The following ITGA9 variants were observed in gnomAD, a reference collection of about 807,000 sequenced individuals.
ITGA9 encodes integrin alpha-9.
ITGA9 carries 56 observed loss-of-function variants against 127.8 expected under a neutral mutation model. That is an observed-to-expected ratio of 0.44 (90% confidence interval 0.35 to 0.55). The LOEUF is 0.55. Among genes scored for constraint, ITGA9 ranks in the 20% least tolerant of loss-of-function variants. The pLI is 0.00. For missense variants in ITGA9, 1,196 were observed against 1,347.1 expected (o/e 0.89, Z 1.76); for synonymous variants, 508 against 514.5 (o/e 0.99, Z 0.17).
At chr3:37,497,215 C>T (rs904667937) in intron 5 of ITGA9, among the ~76,000 whole-genome samples, 2 of 152,070 alleles carry the variant, frequency 1.3e-5, no homozygotes, top group African/African-American at 4.8e-5. Context: ...TAATCTCTTA[C>T]CTGATCTATG....
At chr3:37,613,087 A>G (rs1700039307) in intron 15 of ITGA9, among the ~76,000 whole-genome samples, 1 of 151,840 alleles carries the variant, frequency 6.6e-6, no homozygotes, top group African/African-American at 2.4e-5. Flanking sequence ...ATCATTAAGT[A>G]TATCTCCTAA....
Position 37,503,702 on chromosome 3 carries a change from A to G in ITGA9, c.742+395A>G, listed in dbSNP as rs536061113. Reference sequence around the variant, plus strand: ...TCTGATCACAAAACTGGTAGCAAATAGAAAGATAAGAACTAGAAATTATCA... The same window carrying G: ...TCTGATCACAAAACTGGTAGCAAATGGAAAGATAAGAACTAGAAATTATCA... On this transcript the variant is annotated intron_variant, in intron 6 of 27. Transcript: ENST00000264741. Among the ~76,000 whole-genome samples, 4 of 152,354 alleles carry G rather than the reference A, an allele frequency of 2.6e-5. No individual in the cohort carries two copies. The South Asian group carries it at 6.2e-4, about 24-fold the overall frequency.
chr3:37,533,565 G>A, intron 14 of ITGA9, 97 bp downstream of exon 14: 1 of 1,303,430 alleles, frequency 7.7e-7, no homozygotes, highest in Non-Finnish European at 1.1e-6. Flanking sequence ...CTCCCAGCTG[G>A]TTTTGCAGGC....
intron 16 of ITGA9, among the ~76,000 whole-genome samples, chr3:37,647,603 G>C (rs1700390663): frequency 6.6e-6 from 1 of 151,472 alleles, no homozygotes; most frequent in South Asian, 2.1e-4. Flanking sequence ...TTGTACCTTT[G>C]ACCAACATCT....
At chr3:37,665,121 C>T (rs1454388431) in intron 17 of ITGA9, among the ~76,000 whole-genome samples, 3 of 151,850 alleles carry the variant, frequency 2.0e-5, no homozygotes, top group Non-Finnish European at 4.4e-5. Context: ...TACAGGTACC[C>T]ACCATCATGC....
At chr3:37,719,483 C>G (rs1220070015) in intron 18 of ITGA9, among the ~76,000 whole-genome samples, 1 of 152,174 alleles carries the variant, frequency 6.6e-6, no homozygotes, top group Non-Finnish European at 1.5e-5. Context: ...CAGTCCACAG[C>G]TCCACCAGCC....
chr3:37,539,858 C>T (rs1316626020), intron 14 of ITGA9, among the ~76,000 whole-genome samples: 1 of 152,080 alleles, frequency 6.6e-6, no homozygotes, highest in Non-Finnish European at 1.5e-5. Context: ...CAGTGTAGAC[C>T]GTGCCCCAGA....
At chr3:37,510,894 A>G (rs1311180450) in intron 8 of ITGA9, among the ~76,000 whole-genome samples, 1 of 152,140 alleles carries the variant, frequency 6.6e-6, no homozygotes, top group East Asian at 1.9e-4. Context: ...CCCTGTCATC[A>G]TCGTTCTGCT....
chr3:37,595,102 T>A (rs1194839667), intron 15 of ITGA9, among the ~76,000 whole-genome samples: 1 of 151,980 alleles, frequency 6.6e-6, no homozygotes, highest in Non-Finnish European at 1.5e-5. Flanking sequence ...TTTGTTTTTG[T>A]TTTTGTTTTT....
At chr3:37,698,851 T>G (rs949451636) in intron 18 of ITGA9, among the ~76,000 whole-genome samples, 12 of 152,208 alleles carry the variant, frequency 7.9e-5, no homozygotes, top group African/African-American at 2.9e-4. Context: ...TGTCAGTCAT[T>G]TTTATTTTAG....
intron 22 of ITGA9, chr3:37,748,279 TA>T: frequency 1.9e-6 from 1 of 516,848 alleles, no homozygotes; most frequent in Non-Finnish European, 3.7e-6. Flanking sequence ...CCGCAAGTAT[TA>T]CCATGGCTAA....
chr3:37,817,552 G>A (rs1697450716), intron 27 of ITGA9, among the ~76,000 whole-genome samples: 1 of 152,152 alleles, frequency 6.6e-6, no homozygotes, highest in Non-Finnish European at 1.5e-5. Context: ...TACACCTCAG[G>A]GTTATCCCAC....
At chr3:37,460,033 T>C (rs1698299993) in intron 1 of ITGA9, among the ~76,000 whole-genome samples, 1 of 152,306 alleles carries the variant, frequency 6.6e-6, no homozygotes, top group East Asian at 1.9e-4. Context: ...AAGACAGAAG[T>C]GTCCCAGGAA....
At position 37,608,742 on chromosome 3, in the gene ITGA9, C is replaced by T. The variant is rs371526287; in HGVS notation, c.1690-20445C>T. On this transcript the variant is annotated intron_variant, in intron 15 of 27. Transcript: ENST00000264741. ...TGTTTTATATTGTAAGCAGGACCAA[C>T]TCTTTTATGGTGTGTTTTATACGTC... is the stretch of plus-strand genomic sequence containing the variant. Among the ~76,000 whole-genome samples the T allele has an allele frequency of 4.8e-4, 73 of 152,246 alleles. 1 individual carries two copies. In the South Asian group the frequency reaches 0.015, roughly 30 times the overall value.
chr3:37,460,577 G>A (rs1324865399), intron 1 of ITGA9, among the ~76,000 whole-genome samples: 6 of 148,064 alleles, frequency 4.1e-5, no homozygotes, highest in African/African-American at 1.5e-4. Flanking sequence ...TACCTACTGT[G>A]TGCCCAAATC....
intron 5 of ITGA9, 24 bp from the exon 6 acceptor site, chr3:37,503,154 T>A (rs1347709580): frequency 6.2e-7 from 1 of 1,613,332 alleles, no homozygotes; most frequent in East Asian, 2.2e-5. Flanking sequence ...CTTCTCTGCT[T>A]ACCGTTGGAT....
At chr3:37,478,143 T>G (rs979543996) in intron 3 of ITGA9, among the ~76,000 whole-genome samples, 1 of 152,168 alleles carries the variant, frequency 6.6e-6, no homozygotes, top group Non-Finnish European at 1.5e-5. Context: ...TCCTCCTCGG[T>G]TGGGGAGCTT....
In ITGA9 at chr3:37,509,100, A is replaced by T. The variant is rs560977599; in HGVS notation, c.897+473A>T. 2.6e-5 allele frequency among the ~76,000 whole-genome samples: 4 copies of T among 152,220 alleles called. No individual in the cohort carries two copies. In the South Asian group the frequency reaches 6.2e-4, roughly 24 times the overall value. The stretch of plus-strand genomic sequence containing the variant: ...ATTGCCAAGGTGACTGTTGCCACAC[A>T]AAGAAAATCCAAACACAGGTTGCCT... On this transcript the variant is annotated intron_variant, in intron 8 of 27. Coordinates refer to ENST00000264741, the MANE Select transcript of ITGA9 (RefSeq NM_002207.3).
At chr3:37,728,489 C>T (rs1406306385) in intron 18 of ITGA9, among the ~76,000 whole-genome samples, 1 of 152,182 alleles carries the variant, frequency 6.6e-6, no homozygotes, top group African/African-American at 2.4e-5. Flanking sequence ...ACATGTGGCT[C>T]CATGATGACT....
Sources: gnomAD v4.1 joint callset for allele counts (sites outside exome capture counted in the v4.1 genomes callset) on GRCh38, gnomAD v4.1.1 for gene constraint, MANE v1.5 for transcripts, NCBI Gene and HGNC (gene_info 2026-07-23, HGNC 2026-07-21) for gene names.